BRIP1: variants seen among roughly 807,000 people sequenced by gnomAD.
BRIP1 encodes Fanconi anemia group J protein.
A neutral mutation model predicts 119.7 loss-of-function variants in BRIP1; 88 were observed. The ratio of observed to expected loss-of-function variants is 0.74; its 90% CI spans 0.62 to 0.88. The LOEUF (loss-of-function observed/expected upper bound fraction) is 0.88, where lower values mean the gene tolerates loss of function less well. Among genes scored for constraint, BRIP1 ranks in the 40% least tolerant of loss-of-function variants. The pLI, the probability that BRIP1 is intolerant of heterozygous loss-of-function variation, is 0.00. For synonymous variants in BRIP1, 443 were observed against 496.5 expected, an observed-to-expected ratio of 0.89 and a Z score of 1.43; for missense variants, 1,259 against 1,455.4, an observed-to-expected ratio of 0.87 and a Z score of 2.20.
intron 10 of BRIP1, among the ~76,000 whole-genome samples, chr17:61,785,719 T>C (rs1285072555): frequency 6.6e-6 from 1 of 152,122 alleles, no homozygotes; most frequent in Non-Finnish European, 1.5e-5. Flanking sequence ...TGAAGTCCCC[T>C]CAGCAACACC....
At chr17:61,741,706 T>C (rs2076989457) in intron 16 of BRIP1, among the ~76,000 whole-genome samples, 3 of 152,216 alleles carry the variant, frequency 2.0e-5, no homozygotes, top group Admixed American at 1.3e-4. Flanking sequence ...TAGATCTCAA[T>C]AATGGACTTA....
At position 61,859,672 on chromosome 17, in the gene BRIP1, G is replaced by A. The variant is rs546792782; in HGVS notation, c.205+124C>T. ...TGGAAGATTTATAACTTATTTCAAA[G>A]AAACATCTTTAAACAAATATTTAAG... On this transcript the variant is annotated intron_variant, in intron 3 of 19. Transcript: ENST00000259008. 792 of 701,502 alleles carry A rather than the reference G, an allele frequency of 1.1e-3. 2 individuals carry two copies. Among genetic ancestry groups the A allele is most frequent in the Non-Finnish European group, 1.8e-3 (714 of 390,596 alleles). The allele number at this position is 701,502 out of a possible 1,614,324, so 43.5% of individuals were successfully genotyped here.
chr17:61,852,020 G>A lies in BRIP1; in HGVS notation c.380-2764C>T, dbSNP rs2078829316. 1.3e-5 allele frequency among the ~76,000 whole-genome samples: 2 copies of A among 152,168 alleles called. No individual in the cohort carries two copies. On this transcript the variant is annotated intron_variant, in intron 4 of 19. Transcript: ENST00000259008. The surrounding 1 kb of genome is among the most constrained non-coding windows in gnomAD (Gnocchi z 4.9). ...CACAAGGGAGAGCTCCTACAACAAA[G>A]AGTTATCCCACTCAAAATGTTAATA...
rs534541089 is a variant in BRIP1 at position 61,687,461 on chromosome 17, A to C, written c.2576-1296T>G. On this transcript the variant is annotated intron_variant, in intron 18 of 19. Transcript: ENST00000259008. This position sits in a 1 kb window ranked among gnomAD's most constrained non-coding sequence, Gnocchi z 5.1. ...ATGCTACTGCACACTTTACGTGGAAAGGGAAGATAAAACAAATAAAGCAAT... is the reference window on the plus strand; with the variant it reads ...ATGCTACTGCACACTTTACGTGGAACGGGAAGATAAAACAAATAAAGCAAT... 5.2e-4 allele frequency among the ~76,000 whole-genome samples: 79 copies of C among 152,284 alleles called. No individual in the cohort carries two copies. Among genetic ancestry groups the C allele is most frequent in the African/African-American group, 1.9e-3 (77 of 41,570 alleles).
intron 16 of BRIP1, among the ~76,000 whole-genome samples, chr17:61,731,981 C>CTTT (rs71299809): frequency 4.6e-3 from 381 of 83,038 alleles, no homozygotes; most frequent in Non-Finnish European, 5.3e-3. Flanking sequence ...TTCTTTCTTT[C>CTTT]TTTTTTTTTT....
At chr17:61,697,808 CA>C (rs1009367898) in intron 17 of BRIP1, among the ~76,000 whole-genome samples, 4 of 150,852 alleles carry the variant, frequency 2.7e-5, no homozygotes, top group Admixed American at 2.6e-4. Flanking sequence ...CAGATGTTTA[CA>C]GTATTTTTTT....
rs1201142102 is a variant in BRIP1 at position 61,845,058 on chromosome 17, T to G, written c.627+2043A>C. 6.6e-6 allele frequency among the ~76,000 whole-genome samples: 1 copy of G among 151,870 alleles called. No individual in the cohort carries two copies. The highest frequency in any genetic ancestry group is 2.4e-5 in the African/African-American group (1 of 41,306). ...GGACAGACAAATAATAAACAAGTAA[T>G]CAAGTAATTTCAGATAATAGTAAGC... On this transcript the variant is annotated intron_variant, in intron 6 of 19. Transcript: ENST00000259008. This position sits in a 1 kb window ranked among gnomAD's most constrained non-coding sequence, Gnocchi z 4.2.
Position 61,681,059 on chromosome 17 carries a change from C to T in BRIP1, c.*2237G>A, listed in dbSNP as rs919039018. ...AGAATGAGAGTGAAGCAGGGAAAAG[C>T]TCCTTATAAAATCATCAGGTCTCAT... On this transcript the variant is annotated 3_prime_UTR_variant, in exon 20 of 20. Transcript: ENST00000259008. This position sits in a 1 kb window ranked among gnomAD's most constrained non-coding sequence, Gnocchi z 5.1. Among the ~76,000 whole-genome samples the T allele has an allele frequency of 6.6e-5, 10 of 152,214 alleles. No homozygotes were observed. The highest frequency in any genetic ancestry group is 6.5e-4 in the Admixed American group (10 of 15,288).
rs1457124498 is a variant in BRIP1 at position 61,686,499 on chromosome 17, G to A, written c.2576-334C>T. 6.6e-6 allele frequency among the ~76,000 whole-genome samples: 1 copy of A among 151,640 alleles called. No individual in the cohort carries two copies. The highest frequency in any genetic ancestry group is 2.4e-5 in the African/African-American group (1 of 41,298). ...TTCATCATAATTCCCCACAAAAATT[G>A]CCTTTTTTTTTTGTAGGGAAACTAG... On this transcript the variant is annotated intron_variant, in intron 18 of 19. Coordinates refer to ENST00000259008, the MANE Select transcript of BRIP1 (RefSeq NM_032043.3). This position sits in a 1 kb window ranked among gnomAD's most constrained non-coding sequence, Gnocchi z 5.4.
At chr17:61,723,005 G>C (rs2062007586) in intron 16 of BRIP1, among the ~76,000 whole-genome samples, 1 of 152,100 alleles carries the variant, frequency 6.6e-6, no homozygotes, top group Admixed American at 6.5e-5. Context: ...CTTTGAAATA[G>C]TTCTTATTAC....
chr17:61,827,526 A>C lies in BRIP1; in HGVS notation c.628-18769T>G, dbSNP rs949432558. 6.6e-6 allele frequency among the ~76,000 whole-genome samples: 1 copy of C among 152,172 alleles called. No individual in the cohort carries two copies. The highest frequency in any genetic ancestry group is 1.5e-5 in the Non-Finnish European group (1 of 68,026). On this transcript the variant is annotated intron_variant, in intron 6 of 19. Coordinates refer to ENST00000259008, the MANE Select transcript of BRIP1 (RefSeq NM_032043.3). The surrounding 1 kb of genome is among the most constrained non-coding windows in gnomAD (Gnocchi z 5.8). ...GAGGATCACTTGAGACCAGAAGTTC[A>C]AGGCTAGCCTGGCCAACATGGTGAA...
intron 17 of BRIP1, among the ~76,000 whole-genome samples, chr17:61,715,543 G>A (rs983148900): frequency 6.6e-6 from 1 of 152,070 alleles, no homozygotes; most frequent in African/African-American, 2.4e-5. Flanking sequence ...TCCTCACACT[G>A]GCTGGTATAT....
intron 4 of BRIP1, among the ~76,000 whole-genome samples, chr17:61,855,578 CAAA>C (rs200850712): frequency 4.1e-4 from 41 of 99,356 alleles, no homozygotes; most frequent in East Asian, 2.1e-3. Context: ...GATTCTGTCT[CAAA>C]AAAAAAAAAA....
At chr17:61,855,631 A>G (rs1426325293) in intron 4 of BRIP1, among the ~76,000 whole-genome samples, 4 of 152,056 alleles carry the variant, frequency 2.6e-5, no homozygotes, top group Non-Finnish European at 4.4e-5. Context: ...TGTTATGTCA[A>G]GTAAACGTCA....
chr17:61,860,743 A>G lies in BRIP1; in HGVS notation c.93+704T>C, dbSNP rs59176712. 0.031 allele frequency among the ~76,000 whole-genome samples: 4,739 copies of G among 152,292 alleles called. 242 individuals are homozygous for G. Among genetic ancestry groups the G allele is most frequent in the African/African-American group, 0.11 (4,482 of 41,530 alleles). ...TAAACAACCTAAATGTCTACCAATA[A>G]GAAAATGGACAGATAAATTCTGGTA... On this transcript the variant is annotated intron_variant, in intron 2 of 19. Transcript: ENST00000259008. The surrounding 1 kb of genome is among the most constrained non-coding windows in gnomAD (Gnocchi z 4.1).
In BRIP1 at chr17:61,739,902, G is replaced by C. The variant is rs2076965017; in HGVS notation, c.2379+3111C>G. Reference sequence around the variant, plus strand: ...ATAGTTTTTCAAATATATTGTTTAGGAAACAGTCAGTGATAATGAGATACA... The same window carrying C: ...ATAGTTTTTCAAATATATTGTTTAGCAAACAGTCAGTGATAATGAGATACA... On this transcript the variant is annotated intron_variant, in intron 16 of 19. Transcript: ENST00000259008. This position sits in a 1 kb window ranked among gnomAD's most constrained non-coding sequence, Gnocchi z 6.0. 6.6e-6 allele frequency among the ~76,000 whole-genome samples: 1 copy of C among 152,104 alleles called. No individual in the cohort carries two copies. The highest frequency in any genetic ancestry group is 1.9e-4 in the East Asian group (1 of 5,188).
chr17:61,798,708 A>G lies in BRIP1; in HGVS notation c.1340+392T>C, dbSNP rs574443128. Among the ~76,000 whole-genome samples, 6 of 152,164 alleles carry G rather than the reference A, an allele frequency of 3.9e-5. No homozygotes were observed. Among genetic ancestry groups the G allele is most frequent in the African/African-American group, 1.4e-4 (6 of 41,562 alleles). On this transcript the variant is annotated intron_variant, in intron 9 of 19. Transcript: ENST00000259008. This position sits in a 1 kb window ranked among gnomAD's most constrained non-coding sequence, Gnocchi z 5.5. Reference sequence around the variant, plus strand: ...TAGAGTACTGAAATCTTGATTAATTAAAACCCATGAAACTAGAATCCTATT... The same window carrying G: ...TAGAGTACTGAAATCTTGATTAATTGAAACCCATGAAACTAGAATCCTATT...
At position 61,748,243 on chromosome 17, in the gene BRIP1, G is replaced by C. The variant is rs557175900; in HGVS notation, c.2098-3652C>G. On this transcript the variant is annotated intron_variant, in intron 14 of 19. Transcript: ENST00000259008. This position sits in a 1 kb window ranked among gnomAD's most constrained non-coding sequence, Gnocchi z 4.7. The stretch of plus-strand genomic sequence containing the variant: ...TGCTTGCAAGGGATCTAGGTTATAT[G>C]CTCCTTATGAGAATCTAATGCCTGA... Among the ~76,000 whole-genome samples, 4 of 152,236 alleles carry C rather than the reference G, an allele frequency of 2.6e-5. No homozygotes were observed. Among genetic ancestry groups the C allele is most frequent in the East Asian group, 3.9e-4 (2 of 5,184 alleles).
At chr17:61,714,621 C>T (rs1174344135) in intron 17 of BRIP1, among the ~76,000 whole-genome samples, 3 of 151,910 alleles carry the variant, frequency 2.0e-5, no homozygotes, top group Admixed American at 1.3e-4. Flanking sequence ...AGAATATATC[C>T]GTTATTAAGT....
Sources: gnomAD v4.1 joint callset for allele counts (sites outside exome capture counted in the v4.1 genomes callset) on GRCh38, gnomAD v4.1.1 for gene constraint, Gnocchi (gnomAD v3.1) non-coding constraint, MANE v1.5 for transcripts, NCBI Gene and HGNC (gene_info 2026-07-23, HGNC 2026-07-21) for gene names.